Variants in EPS8L2 observed in about 807,000 individuals in gnomAD.
EPS8L2 encodes the protein EPS8 signaling adaptor L2, also known as epidermal growth factor receptor kinase substrate 8-like protein 2.
Under a neutral mutation model 99.4 loss-of-function variants are expected in EPS8L2, and 81 were observed. The observed-to-expected ratio is 0.82, with a 90% CI of 0.68 to 0.98. The LOEUF (loss-of-function observed/expected upper bound fraction) is 0.98, where lower values mean the gene tolerates loss of function less well. Ranked by LOEUF, EPS8L2 falls within the 50% of genes least tolerant of loss-of-function variation. The probability of loss-of-function intolerance (pLI) is 0.00; values close to 1 mark genes in which losing one functional copy is unlikely to be tolerated. For synonymous variants in EPS8L2, 509 were observed against 407.3 expected (o/e 1.25, Z -3.01); for missense variants, 1,155 against 968.8 (o/e 1.19, Z -2.55).
At chr11:707,814 G>C (rs1861768256) in intron 1 of EPS8L2, among the ~76,000 whole-genome samples, 2 of 152,160 alleles carry the variant, frequency 1.3e-5, no homozygotes, top group Non-Finnish European at 2.9e-5. Context: ...CCCCAGGCCT[G>C]AGTCTGCAAG....
intron 4 of EPS8L2, among the ~76,000 whole-genome samples, chr11:714,946 CAGAA>C (rs1281052959): frequency 6.6e-6 from 1 of 151,978 alleles, no homozygotes; most frequent in Non-Finnish European, 1.5e-5. Flanking sequence ...CTTCTGTTTT[CAGAA>C]AGAGTTTGTG....
intron 4 of EPS8L2, among the ~76,000 whole-genome samples, chr11:715,543 T>C (rs1300003720): frequency 2.0e-5 from 3 of 152,062 alleles, no homozygotes; most frequent in Non-Finnish European, 2.9e-5. Context: ...CTGTGTAAAG[T>C]GCGTTGACCT....
Position 723,364 on chromosome 11 carries a change from C to G in EPS8L2, c.1454+11C>G. 1 of 1,274,168 alleles carries G rather than the reference C, an allele frequency of 7.8e-7. No homozygotes were observed. Among genetic ancestry groups the G allele is most frequent in the South Asian group, 1.4e-5 (1 of 71,946 alleles). 78.9% of individuals were successfully genotyped at this position (1,274,168 alleles called of 1,614,324 possible). A position where few individuals can be genotyped will look rare whatever the true frequency, so the allele number is the denominator to read the frequency against. ...CCCACATACTCACAGGTAAGCCCCCCTCAAAGTGAGGGAGCATGAAAGTGA... is the reference window on the plus strand; with the variant it reads ...CCCACATACTCACAGGTAAGCCCCCGTCAAAGTGAGGGAGCATGAAAGTGA... On this transcript the variant is annotated intron_variant, in intron 15 of 20. Transcript: ENST00000318562.
At chr11:720,563 G>A (rs1355759286) in intron 5 of EPS8L2, 34 bp from the exon 6 acceptor site, 2 of 1,581,664 alleles carry the variant, frequency 1.3e-6, no homozygotes, top group East Asian at 2.3e-5. Context: ...CCCAGACCCC[G>A]GGTGCGAGTC....
In EPS8L2 at chr11:710,407, T is replaced by G; in HGVS notation, c.101-15T>G. On this transcript the variant is annotated splice_polypyrimidine_tract_variant and intron_variant, in intron 3 of 20. Coordinates refer to ENST00000318562, the MANE Select transcript of EPS8L2 (RefSeq NM_022772.4). ...TCCTGCCCGTCGGGGGAGTGACTGG[T>G]GTCTCCCGGTTCAGAGCAGAGGAAG... The G allele has an allele frequency of 6.2e-7, 1 of 1,612,940 alleles. No homozygotes were observed. Among genetic ancestry groups the G allele is most frequent in the Non-Finnish European group, 8.5e-7 (1 of 1,179,602 alleles).
At chr11:716,553 G>A (rs1462142885) in intron 4 of EPS8L2, among the ~76,000 whole-genome samples, 1 of 152,164 alleles carries the variant, frequency 6.6e-6, no homozygotes, top group Non-Finnish European at 1.5e-5. Context: ...CACCGTGCCT[G>A]GCCAGATTAT....
intron 4 of EPS8L2, among the ~76,000 whole-genome samples, chr11:716,203 C>T (rs921777677): frequency 6.6e-6 from 1 of 150,658 alleles, no homozygotes; most frequent in African/African-American, 2.4e-5. Flanking sequence ...GGCTGGAGTG[C>T]AGTGGCACCA....
rs115090433 is a variant in EPS8L2, at chr11:719,287, C to T, written c.166-775C>T. ...CGGCCACACAAACTTTTATGTTTTGCGTTTTGTGGTTGTCTTTGACTGTCC... is the reference window on the plus strand; with the variant it reads ...CGGCCACACAAACTTTTATGTTTTGTGTTTTGTGGTTGTCTTTGACTGTCC... On this transcript the variant is annotated intron_variant, in intron 4 of 20. Coordinates refer to ENST00000318562, the MANE Select transcript of EPS8L2 (RefSeq NM_022772.4). 3.1e-3 allele frequency among the ~76,000 whole-genome samples: 468 copies of T among 152,312 alleles called. 4 individuals are homozygous for T. Among genetic ancestry groups the T allele is most frequent in the African/African-American group, 0.011 (445 of 41,558 alleles).
intron 4 of EPS8L2, among the ~76,000 whole-genome samples, chr11:714,923 A>T (rs191263461): frequency 6.6e-6 from 1 of 152,198 alleles, no homozygotes; most frequent in African/African-American, 2.4e-5. Flanking sequence ...TGGGTGGGGA[A>T]GTATTCCCTC....
At chr11:725,003 C>T (rs990425566) in intron 16 of EPS8L2, among the ~76,000 whole-genome samples, 174 bp downstream of exon 16, 1 of 152,230 alleles carries the variant, frequency 6.6e-6, no homozygotes. Context: ...TCAGGATCCC[C>T]AGCCTGTTGG....
Position 725,720 on chromosome 11 carries a change from C to A in EPS8L2, c.1561-8C>A. On this transcript the variant is annotated splice_region_variant and splice_polypyrimidine_tract_variant and intron_variant, in intron 16 of 20. Coordinates refer to ENST00000318562, the MANE Select transcript of EPS8L2 (RefSeq NM_022772.4). ...GGTGTGGGGAGGGGCTGACGGCGCG[C>A]CCCGCAGGTGCTGGAGGACGGCCGG... 7.6e-7 allele frequency: 1 copy of A among 1,317,432 alleles called. No homozygotes were observed. The allele number at this position is 1,317,432 out of a possible 1,614,324, so 81.6% of individuals were successfully genotyped here.
At chr11:708,407 G>A (rs1040583467) in intron 1 of EPS8L2, among the ~76,000 whole-genome samples, 10 of 152,220 alleles carry the variant, frequency 6.6e-5, no homozygotes, top group African/African-American at 2.2e-4. Context: ...GCTCGGGGAA[G>A]AGGTCAGCAC....
At chr11:715,376 T>C (rs1430894322) in intron 4 of EPS8L2, among the ~76,000 whole-genome samples, 1 of 152,200 alleles carries the variant, frequency 6.6e-6, no homozygotes, top group Non-Finnish European at 1.5e-5. Flanking sequence ...CTCTCCTGCC[T>C]GTAAGATCTG....
At chr11:723,660 C>T (rs910717444) in intron 15 of EPS8L2, among the ~76,000 whole-genome samples, 15 of 152,202 alleles carry the variant, frequency 9.9e-5, no homozygotes, top group African/African-American at 3.1e-4. Context: ...TCACCAAACA[C>T]TGGCACCCTG....
In EPS8L2 at chr11:726,109, G is replaced by T; in HGVS notation, c.1692G>T (p.Lys564Asn). 1 of 1,601,926 alleles carries T rather than the reference G, an allele frequency of 6.2e-7. No individual in the cohort carries two copies. The highest frequency in any genetic ancestry group is 8.5e-7 in the Non-Finnish European group (1 of 1,173,592). ...CCCCGCCCCCGCAGGCCGGTCAGAA[G>T]TACTGGGGCCCCGCCAGCCCGACCC... ...AGAPFEQAGQKYWGPASPTHK... is the reference protein window; with the variant it reads ...AGAPFEQAGQNYWGPASPTHK... Residue 564 changes from lysine to asparagine, a missense_variant, in exon 18 of 21, where the codon AAG becomes AAT. By Grantham distance (94) the Lys-to-Asn change is moderately conservative. Coordinates refer to ENST00000318562, the MANE Select transcript of EPS8L2 (RefSeq NM_022772.4).
intron 4 of EPS8L2, among the ~76,000 whole-genome samples, chr11:711,787 C>T (rs572415331): frequency 6.6e-6 from 1 of 151,998 alleles, no homozygotes; most frequent in East Asian, 1.9e-4. Context: ...AGTTTGAGAC[C>T]AGCCTGACCA....
In EPS8L2 at chr11:714,384, C is replaced by A. The variant is rs538631733; in HGVS notation, c.165+3898C>A. Among the ~76,000 whole-genome samples the A allele has an allele frequency of 2.6e-5, 4 of 151,778 alleles. No homozygotes were observed. In the South Asian group the frequency reaches 8.3e-4, roughly 32 times the overall value. ...ATCTGGGATTACAGGAATCCATCAC[C>A]ATGCCCGGCTCATTTTTTGTATTTT... is the stretch of plus-strand genomic sequence containing the variant. On this transcript the variant is annotated intron_variant, in intron 4 of 20. Coordinates refer to ENST00000318562, the MANE Select transcript of EPS8L2 (RefSeq NM_022772.4).
Position 720,149 on chromosome 11 carries a change from G to A in EPS8L2, c.253G>A (p.Glu85Lys). The change falls in exon 5 of 21, where the codon GAG becomes AAG. Residue 85 changes from glutamate to lysine, a missense_variant. Glu to Lys is a moderately conservative substitution (Grantham distance 56, BLOSUM62 1). Transcript: ENST00000318562. ...IRKLVQLSSK[E>K]KIWTQEMLLQ... Reference sequence around the variant, plus strand: ...GAAGCTGGTGCAGCTGAGCTCCAAGGAGAAGATCTGGACCCAGGAGATGCT... The same window carrying A: ...GAAGCTGGTGCAGCTGAGCTCCAAGAAGAAGATCTGGACCCAGGAGATGCT... 6.2e-7 allele frequency: 1 copy of A among 1,613,458 alleles called. No individual in the cohort carries two copies. Among genetic ancestry groups the A allele is most frequent in the Non-Finnish European group, 8.5e-7 (1 of 1,179,938 alleles).
rs1480505813 is a variant in EPS8L2 at position 724,978 on chromosome 11, G to A, written c.1560+149G>A. The stretch of plus-strand genomic sequence containing the variant: ...GCTGGCCCCTTTCTCCAGGGTCCCC[G>A]CCCTTGGACTCTGATCAGGATCCCC... On this transcript the variant is annotated intron_variant, in intron 16 of 20. Transcript: ENST00000318562. The surrounding 1 kb of genome is among the most constrained non-coding windows in gnomAD (Gnocchi z 5.5). 4 of 649,516 alleles carry A rather than the reference G, an allele frequency of 6.2e-6. No individual in the cohort carries two copies. The highest frequency in any genetic ancestry group is 8.2e-6 in the Non-Finnish European group (3 of 366,276). 40.2% of individuals were successfully genotyped at this position (649,516 alleles called of 1,614,324 possible). A position where few individuals can be genotyped will look rare whatever the true frequency, so the allele number is the denominator to read the frequency against.
Sources: gnomAD v4.1 joint callset for allele counts (sites outside exome capture counted in the v4.1 genomes callset) on GRCh38, gnomAD v4.1.1 for gene constraint, Gnocchi (gnomAD v3.1) non-coding constraint, MANE v1.5 for transcripts, NCBI Gene and HGNC (gene_info 2026-07-23, HGNC 2026-07-21) for gene names.